B4GALNT3: variants seen among roughly 807,000 people sequenced by gnomAD.
B4GALNT3 encodes the protein beta-1,4-N-acetylgalactosaminyltransferase 3.
In B4GALNT3, 86 loss-of-function variants were observed where a neutral mutation model predicts 120.2. That is an observed-to-expected ratio of 0.72 (90% CI 0.60 to 0.86). The LOEUF (loss-of-function observed/expected upper bound fraction) is 0.86, where lower values mean the gene tolerates loss of function less well. Ranked by LOEUF, B4GALNT3 falls within the 40% of genes least tolerant of loss-of-function variation. The probability of loss-of-function intolerance (pLI) is 0.00; values close to 1 mark genes in which losing one functional copy is unlikely to be tolerated. For synonymous variants in B4GALNT3, 518 were observed against 510.4 expected (o/e 1.01, Z -0.20); for missense variants, 1,167 against 1,298.9 (o/e 0.90, Z 1.56).
intron 1 of B4GALNT3, among the ~76,000 whole-genome samples, chr12:510,658 C>T (rs549935509): frequency 6.6e-6 from 1 of 152,174 alleles, no homozygotes; most frequent in East Asian, 1.9e-4. Flanking sequence ...CGGGGCAAAC[C>T]CTGCAGAGCT....
intron 1 of B4GALNT3, among the ~76,000 whole-genome samples, chr12:527,909 G>T (rs1046551973): frequency 4.0e-5 from 6 of 151,808 alleles, no homozygotes; most frequent in Non-Finnish European, 8.8e-5. Flanking sequence ...AGATAATAAG[G>T]AAATGGTCTG....
At chr12:535,106 T>C in intron 1 of B4GALNT3, 60 bp from the exon 2 acceptor site, 3 of 1,403,032 alleles carry the variant, frequency 2.1e-6, no homozygotes, top group Non-Finnish European at 3.0e-6. Flanking sequence ...CCAAATCTTT[T>C]AGGTGTATGA....
rs1456615167 is a variant in B4GALNT3, at chr12:562,478, T to C, written c.*1027T>C. 1 of 151,832 alleles carries C rather than the reference T, an allele frequency of 6.6e-6. No homozygotes were observed. The highest frequency in any genetic ancestry group is 2.4e-5 in the African/African-American group (1 of 41,248). 9.4% of individuals were successfully genotyped at this position (151,832 alleles called of 1,614,324 possible). On this transcript the variant is annotated 3_prime_UTR_variant, in exon 20 of 20. Transcript: ENST00000266383. The surrounding 1 kb of genome is among the most constrained non-coding windows in gnomAD (Gnocchi z 5.2). ...AGGGAGAGCCCTGGCCACCCGGCCT[T>C]GAGTGGAAGAAGAGGAAAGGGTGTA...
chr12:540,202 C>T (rs1043433045), intron 3 of B4GALNT3, among the ~76,000 whole-genome samples: 2 of 152,210 alleles, frequency 1.3e-5, no homozygotes, highest in Non-Finnish European at 2.9e-5. Context: ...TGCCTTCGTG[C>T]GCCTCTGAAC....
chr12:540,766 C>T (rs201200030), intron 3 of B4GALNT3, among the ~76,000 whole-genome samples: 6 of 151,532 alleles, frequency 4.0e-5, no homozygotes, highest in South Asian at 4.2e-4. Context: ...TTTTTTGAGA[C>T]GGAGTCTCGC....
intron 15 of B4GALNT3, 61 bp downstream of exon 15, chr12:556,927 C>A: frequency 1.3e-6 from 2 of 1,510,972 alleles, no homozygotes; most frequent in East Asian, 2.3e-5. Context: ...GTCAGGAGCA[C>A]CCACATCTGC....
At chr12:549,256 C>T (rs11063544) in intron 9 of B4GALNT3, among the ~76,000 whole-genome samples, 31,207 of 152,026 alleles carry the variant, frequency 0.21, 3,364 homozygotes, top group Non-Finnish European at 0.24. Flanking sequence ...GATCACCTGG[C>T]TTCAAACTCA....
At chr12:552,333 A>ACACC (rs1361916974) in intron 12 of B4GALNT3, 134 bp from the exon 13 acceptor site, 2 of 810,336 alleles carry the variant, frequency 2.5e-6, no homozygotes, top group Non-Finnish European at 4.0e-6. Context: ...ACACACACAC[A>ACACC]CACCCGCTCA....
At chr12:474,977 G>A (rs1946170308) in intron 1 of B4GALNT3, among the ~76,000 whole-genome samples, 1 of 141,582 alleles carries the variant, frequency 7.1e-6, no homozygotes, top group African/African-American at 2.7e-5. Flanking sequence ...AGCCAAGTGT[G>A]GTGGTGCATG....
chr12:538,575 A>AG (rs1374785142), intron 3 of B4GALNT3, among the ~76,000 whole-genome samples: 2 of 151,920 alleles, frequency 1.3e-5, no homozygotes, highest in African/African-American at 4.8e-5. Context: ...AAAAAAAAAA[A>AG]AAAAAAGAAA....
chr12:468,785 C>T (rs1262618961), intron 1 of B4GALNT3, among the ~76,000 whole-genome samples: 2 of 152,242 alleles, frequency 1.3e-5, no homozygotes, highest in African/African-American at 4.8e-5. Context: ...TCATGTGTCT[C>T]TTCCACCCAT....
chr12:461,081 C>T (rs191906815), intron 1 of B4GALNT3, among the ~76,000 whole-genome samples: 37 of 152,266 alleles, frequency 2.4e-4, no homozygotes, highest in African/African-American at 8.9e-4. Context: ...TTTACCATAC[C>T]TCGGAGAGTC....
chr12:546,526 G>T lies in B4GALNT3; in HGVS notation c.640-120G>T, dbSNP rs1171275069. On this transcript the variant is annotated intron_variant, in intron 6 of 19. Transcript: ENST00000266383. ...CTCCTACCTCTCTCACCTTCATTCC[G>T]CCCGTCTTCCTCCCTTTTTCTCTCA... 3 of 893,446 alleles carry T rather than the reference G, an allele frequency of 3.4e-6. 1 individual carries two copies. The highest frequency in any genetic ancestry group is 3.0e-5 in the South Asian group (2 of 66,622). 55.3% of individuals were successfully genotyped at this position (893,446 alleles called of 1,614,324 possible).
intron 3 of B4GALNT3, among the ~76,000 whole-genome samples, chr12:544,047 G>A (rs1946957073): frequency 2.3e-5 from 3 of 130,390 alleles, no homozygotes; most frequent in African/African-American, 9.5e-5. Context: ...CGGGCATGGG[G>A]TGCTCATCTT....
intron 1 of B4GALNT3, among the ~76,000 whole-genome samples, chr12:513,214 A>G (rs546336209): frequency 5.0e-4 from 73 of 147,164 alleles, no homozygotes; most frequent in African/African-American, 2.0e-3. Flanking sequence ...TCCACCTTCC[A>G]CTACCGTTCT....
chr12:498,347 C>T (rs1410150067), intron 1 of B4GALNT3, among the ~76,000 whole-genome samples: 1 of 152,160 alleles, frequency 6.6e-6, no homozygotes, highest in Non-Finnish European at 1.5e-5. Context: ...AGCCCAGACA[C>T]TTCAGAAGCA....
chr12:497,707 A>G (rs1946401142), intron 1 of B4GALNT3, among the ~76,000 whole-genome samples: 1 of 152,122 alleles, frequency 6.6e-6, no homozygotes, highest in Admixed American at 6.5e-5. Context: ...GTTGTTGAGC[A>G]CCGAGCCAGG....
At chr12:560,226 G>A (rs532061552) in intron 19 of B4GALNT3, among the ~76,000 whole-genome samples, 46 of 152,284 alleles carry the variant, frequency 3.0e-4, no homozygotes, top group Non-Finnish European at 3.7e-4. Flanking sequence ...CTGTAACAGC[G>A]TCCACAGGAG....
chr12:463,698 G>A (rs990880086), intron 1 of B4GALNT3, among the ~76,000 whole-genome samples: 1 of 152,216 alleles, frequency 6.6e-6, no homozygotes, highest in African/African-American at 2.4e-5. Context: ...CATGGAAATG[G>A]TGACATTTTG....
Sources: gnomAD v4.1 joint callset for allele counts (sites outside exome capture counted in the v4.1 genomes callset) on GRCh38, gnomAD v4.1.1 for gene constraint, Gnocchi (gnomAD v3.1) non-coding constraint, MANE v1.5 for transcripts, NCBI Gene and HGNC (gene_info 2026-07-23, HGNC 2026-07-21) for gene names.